Variants in ATG10 observed in about 807,000 individuals in gnomAD.
The protein encoded by ATG10 is ubiquitin-like-conjugating enzyme ATG10.
A neutral mutation model predicts 32.1 loss-of-function variants in ATG10; 30 were observed. The observed-to-expected ratio is 0.94, with a 90% CI of 0.70 to 1.27. The LOEUF is 1.27. Ranked by LOEUF, ATG10 falls within the 50% of genes most tolerant of loss-of-function variation. The pLI, the probability that ATG10 is intolerant of heterozygous loss-of-function variation, is 0.00. For synonymous variants in ATG10, 87 were observed against 91.5 expected, an observed-to-expected ratio of 0.95 and a Z score of 0.28; for missense variants, 233 against 262.3, an observed-to-expected ratio of 0.89 and a Z score of 0.77.
At chr5:82,053,853 G>A (rs1763504033) in intron 2 of ATG10, among the ~76,000 whole-genome samples, 1 of 152,166 alleles carries the variant, frequency 6.6e-6, no homozygotes, top group African/African-American at 2.4e-5. Flanking sequence ...GCCAGGTCAA[G>A]ACTGGCCAAG....
intron 3 of ATG10, among the ~76,000 whole-genome samples, chr5:82,108,080 C>A (rs1170672018): frequency 6.6e-6 from 1 of 151,918 alleles, no homozygotes; most frequent in South Asian, 2.1e-4. Flanking sequence ...CCTTGAAATC[C>A]GTGCTAAGTG....
At chr5:82,206,392 A>G (rs1406251764) in intron 5 of ATG10, among the ~76,000 whole-genome samples, 1 of 152,158 alleles carries the variant, frequency 6.6e-6, no homozygotes, top group African/African-American at 2.4e-5. Flanking sequence ...TCACACCTGT[A>G]ATCCCAGCAA....
chr5:82,084,590 G>A (rs1445890700), intron 3 of ATG10, among the ~76,000 whole-genome samples: 6 of 152,234 alleles, frequency 3.9e-5, no homozygotes, highest in South Asian at 4.2e-4. Flanking sequence ...GAGAAAGGTC[G>A]GGTTACCCAC....
chr5:82,087,131 T>C (rs940208062), intron 3 of ATG10, among the ~76,000 whole-genome samples: 3 of 152,168 alleles, frequency 2.0e-5, no homozygotes, highest in African/African-American at 7.2e-5. Context: ...AATAAAATGT[T>C]AGTGTTTTAG....
At chr5:82,205,808 C>T (rs778790039) in intron 5 of ATG10, among the ~76,000 whole-genome samples, 3 of 152,124 alleles carry the variant, frequency 2.0e-5, no homozygotes, top group Non-Finnish European at 4.4e-5. Context: ...TTAAGCAGTG[C>T]AACTTTGATG....
At chr5:82,152,370 T>C (rs1767638800) in intron 3 of ATG10, among the ~76,000 whole-genome samples, 1 of 152,276 alleles carries the variant, frequency 6.6e-6, no homozygotes, top group South Asian at 2.1e-4. Flanking sequence ...ACTGGCTGGC[T>C]GCTCAGCAGC....
intron 3 of ATG10, among the ~76,000 whole-genome samples, chr5:82,099,076 AGTGG>A (rs1313420545): frequency 6.6e-6 from 1 of 152,192 alleles, no homozygotes; most frequent in Non-Finnish European, 1.5e-5. Context: ...AAGCTATCAG[AGTGG>A]TTCACACTGC....
At chr5:82,156,793 C>T (rs986136924) in intron 3 of ATG10, among the ~76,000 whole-genome samples, 1 of 152,160 alleles carries the variant, frequency 6.6e-6, no homozygotes, top group Non-Finnish European at 1.5e-5. Context: ...TCTGCTAATT[C>T]TTTTACTTTT....
chr5:82,173,441 C>T (rs969023841), intron 4 of ATG10, among the ~76,000 whole-genome samples: 1 of 152,114 alleles, frequency 6.6e-6, no homozygotes, highest in Non-Finnish European at 1.5e-5. Context: ...TATTTTTCAC[C>T]TAATGTCTCT....
Position 81,994,232 on chromosome 5 carries a change from A to T in ATG10, c.108+6554A>T, listed in dbSNP as rs371520236. Among the ~76,000 whole-genome samples the T allele has an allele frequency of 2.4e-3, 360 of 151,516 alleles. 14 individuals carry two copies. The South Asian group carries it at 0.065, about 27-fold the overall frequency. On this transcript the variant is annotated intron_variant, in intron 2 of 7. Transcript: ENST00000282185. ...TCTCTTGTCACAGAATAATATAGAAACTCCATCACAGAGTATTCCAGGCCC... is the reference window on the plus strand; with the variant it reads ...TCTCTTGTCACAGAATAATATAGAATCTCCATCACAGAGTATTCCAGGCCC...
At chr5:82,101,523 A>T (rs1581691186) in intron 3 of ATG10, among the ~76,000 whole-genome samples, 2 of 152,216 alleles carry the variant, frequency 1.3e-5, no homozygotes, top group East Asian at 3.8e-4. Context: ...TTAGGGAAGA[A>T]GGAGGACAAT....
intron 2 of ATG10, among the ~76,000 whole-genome samples, chr5:82,049,789 T>G: frequency 6.6e-6 from 1 of 152,092 alleles, no homozygotes; most frequent in East Asian, 1.9e-4. Context: ...CAAAAATTAG[T>G]TTAACACTTC....
chr5:82,044,026 C>T (rs1053545187), intron 2 of ATG10, among the ~76,000 whole-genome samples: 14 of 151,938 alleles, frequency 9.2e-5, no homozygotes, highest in African/African-American at 3.4e-4. Context: ...CTCCTGGTAC[C>T]AATTTTCTAT....
At chr5:82,096,623 A>T (rs1259091922) in intron 3 of ATG10, among the ~76,000 whole-genome samples, 1 of 152,138 alleles carries the variant, frequency 6.6e-6, no homozygotes, top group Non-Finnish European at 1.5e-5. Flanking sequence ...TGAAGTCTTG[A>T]GAGTGCATAA....
At chr5:82,130,947 T>C (rs1436204212) in intron 3 of ATG10, among the ~76,000 whole-genome samples, 1 of 152,156 alleles carries the variant, frequency 6.6e-6, no homozygotes, top group African/African-American at 2.4e-5. Context: ...CTGGAGGCCA[T>C]AATCCTAAGC....
intron 3 of ATG10, among the ~76,000 whole-genome samples, chr5:82,104,660 T>A (rs1765389537): frequency 6.6e-6 from 1 of 152,100 alleles, no homozygotes; most frequent in Non-Finnish European, 1.5e-5. Context: ...TACAATAATT[T>A]AAAACTCAAT....
chr5:82,224,699 G>A (rs1296642362), intron 5 of ATG10, among the ~76,000 whole-genome samples: 1 of 152,152 alleles, frequency 6.6e-6, no homozygotes, highest in African/African-American at 2.4e-5. Context: ...GGAAAGCTGT[G>A]CTGGAGGAAT....
intron 5 of ATG10, among the ~76,000 whole-genome samples, chr5:82,192,356 A>G (rs915341838): frequency 3.9e-5 from 6 of 152,174 alleles, no homozygotes; most frequent in Non-Finnish European, 5.9e-5. Flanking sequence ...CTCTCTCCCT[A>G]TTCAACTAGC....
At chr5:82,166,341 C>T (rs1743581114) in intron 4 of ATG10, among the ~76,000 whole-genome samples, 1 of 152,166 alleles carries the variant, frequency 6.6e-6, no homozygotes, top group Non-Finnish European at 1.5e-5. Context: ...CCCCCACCAC[C>T]ACTGCTTTGT....
Sources: gnomAD v4.1 joint callset for allele counts (sites outside exome capture counted in the v4.1 genomes callset) on GRCh38, gnomAD v4.1.1 for gene constraint, MANE v1.5 for transcripts, NCBI Gene and HGNC (gene_info 2026-07-23, HGNC 2026-07-21) for gene names.